The following ESR1 variants were observed in gnomAD, a reference collection of about 807,000 sequenced individuals.
The protein encoded by ESR1 is estrogen receptor 1, also known as estrogen receptor.
A neutral mutation model predicts 52.7 loss-of-function variants in ESR1; 12 were observed. The ratio of observed to expected loss-of-function variants is 0.23; its 90% CI spans 0.15 to 0.37. ESR1 has a LOEUF of 0.37. ESR1 is among the 10% of genes least tolerant of loss of function. ESR1 has a pLI of 1.00. For synonymous variants in ESR1, 305 were observed against 316.8 expected, an observed-to-expected ratio of 0.96 and a Z score of 0.39; for missense variants, 584 against 779.7, an observed-to-expected ratio of 0.75 and a Z score of 2.99.
exon 7 of ESR1, chr6:152,127,882 T>C (rs1038369421): frequency 1.4e-4 from 21 of 152,230 alleles, no homozygotes. Context: ...AATACATTTT[T>C]AAATGAGGGC....
chr6:152,081,295 C>A (rs1410348491), intron 6 of ESR1, among the ~76,000 whole-genome samples: 6 of 152,136 alleles, frequency 3.9e-5, no homozygotes, highest in African/African-American at 1.4e-4. Flanking sequence ...ACAGTGCAAT[C>A]AAATTAGAAC....
chr6:151,888,769 A>G (rs532073811), intron 3 of ESR1, among the ~76,000 whole-genome samples: 37 of 152,288 alleles, frequency 2.4e-4, no homozygotes, highest in African/African-American at 8.7e-4. Flanking sequence ...AAGACTTTTC[A>G]AATTTTCACC....
intron 4 of ESR1, among the ~76,000 whole-genome samples, chr6:151,990,613 C>T (rs1472299772): frequency 6.6e-6 from 1 of 151,502 alleles, no homozygotes; most frequent in African/African-American, 2.4e-5. Flanking sequence ...CATGGTGGCC[C>T]ATAGCTGCAG....
At chr6:152,116,278 C>T (rs1465417902) in intron 6 of ESR1, among the ~76,000 whole-genome samples, 1 of 152,162 alleles carries the variant, frequency 6.6e-6, no homozygotes, top group Non-Finnish European at 1.5e-5. Context: ...CATGCATATA[C>T]ACGCAAGAGT....
At chr6:151,961,908 C>T (rs960322491) in intron 4 of ESR1, among the ~76,000 whole-genome samples, 4 of 152,056 alleles carry the variant, frequency 2.6e-5, no homozygotes, top group Non-Finnish European at 5.9e-5. Flanking sequence ...TCAGCATGGG[C>T]GGCTGGCAGA....
chr6:151,998,279 A>G (rs1310226944), intron 4 of ESR1, among the ~76,000 whole-genome samples: 4 of 152,148 alleles, frequency 2.6e-5, no homozygotes, highest in Non-Finnish European at 5.9e-5. Flanking sequence ...TAATTGTGCA[A>G]TTTACACATA....
chr6:151,791,412 C>T (rs1486465233), intron 2 of ESR1, among the ~76,000 whole-genome samples: 1 of 152,174 alleles, frequency 6.6e-6, no homozygotes, highest in Non-Finnish European at 1.5e-5. Context: ...CTTTGCTCTT[C>T]CTTTGTCTTC....
At chr6:151,669,248 G>T (rs527963075) in intron 1 of ESR1, among the ~76,000 whole-genome samples, 1 of 147,708 alleles carries the variant, frequency 6.8e-6, no homozygotes, top group African/African-American at 2.5e-5. Context: ...GCCCAGGCTG[G>T]GGTTGCTGGT....
At position 151,923,388 on chromosome 6, in the gene ESR1, A is replaced by G. The variant is rs553597600; in HGVS notation, c.761-20785A>G. On this transcript the variant is annotated intron_variant, in intron 3 of 7. Coordinates refer to ENST00000206249, the MANE Select transcript of ESR1 (RefSeq NM_000125.4). ...GTATTTAATGTATTGTATCACCATTATAGTAATATAGTTCCTATGGAATAG... is the reference window on the plus strand; with the variant it reads ...GTATTTAATGTATTGTATCACCATTGTAGTAATATAGTTCCTATGGAATAG... Among the ~76,000 whole-genome samples, 9 of 152,320 alleles carry G rather than the reference A, an allele frequency of 5.9e-5. 1 individual carries two copies. Among genetic ancestry groups the G allele is most frequent in the Admixed American group, 3.9e-4 (6 of 15,286 alleles).
chr6:152,030,543 G>A (rs1346719588), intron 5 of ESR1, among the ~76,000 whole-genome samples: 1 of 152,108 alleles, frequency 6.6e-6, no homozygotes, highest in African/African-American at 2.4e-5. Flanking sequence ...GACAAAGAAG[G>A]CCATTACATA....
At chr6:151,906,555 A>G (rs570783077) in intron 3 of ESR1, among the ~76,000 whole-genome samples, 1 of 151,802 alleles carries the variant, frequency 6.6e-6, no homozygotes, top group East Asian at 1.9e-4. Context: ...CAACAGCCTG[A>G]ATTTTTATTT....
chr6:151,914,277 C>G (rs1197119032), intron 3 of ESR1, among the ~76,000 whole-genome samples: 1 of 151,098 alleles, frequency 6.6e-6, no homozygotes, highest in East Asian at 1.9e-4. Context: ...AGGCTTCGGT[C>G]TTATTTTGAC....
intron 5 of ESR1, among the ~76,000 whole-genome samples, chr6:152,058,765 G>C (rs545381294): frequency 1.3e-5 from 2 of 152,132 alleles, no homozygotes; most frequent in African/African-American, 4.8e-5. Flanking sequence ...ATAAGAACTA[G>C]TATGTAATAG....
At chr6:152,007,762 C>G (rs955646437) in intron 4 of ESR1, among the ~76,000 whole-genome samples, 1 of 152,046 alleles carries the variant, frequency 6.6e-6, no homozygotes, top group South Asian at 2.1e-4. Context: ...CAAGTGATGG[C>G]GGGATGAATC....
At chr6:151,873,998 A>G (rs1178300042) in intron 2 of ESR1, among the ~76,000 whole-genome samples, 3 of 152,194 alleles carry the variant, frequency 2.0e-5, no homozygotes, top group Non-Finnish European at 4.4e-5. Context: ...AAAATAAAAT[A>G]TTATTTTGTC....
At chr6:152,023,896 C>G (rs12524943) in intron 5 of ESR1, among the ~76,000 whole-genome samples, 8,315 of 152,132 alleles carry the variant, frequency 0.055, 294 homozygotes, top group South Asian at 0.1. Flanking sequence ...AATACGACTC[C>G]CTTACATTTT....
At position 151,918,100 on chromosome 6, in the gene ESR1, A is replaced by T. The variant is rs185215056; in HGVS notation, c.761-26073A>T. ...TGGGCTGTTGTAAACTTGTGGGCAG[A>T]TACCCAGTGATGGGGCAGACATGAG... On this transcript the variant is annotated intron_variant, in intron 3 of 7. Transcript: ENST00000206249. Among the ~76,000 whole-genome samples, 1,039 of 152,310 alleles carry T rather than the reference A, an allele frequency of 6.8e-3. 19 individuals carry two copies. Among genetic ancestry groups the T allele is most frequent in the African/African-American group, 0.02 (828 of 41,564 alleles).
chr6:151,729,422 C>T (rs914515655), intron 2 of ESR1, among the ~76,000 whole-genome samples: 2 of 152,148 alleles, frequency 1.3e-5, no homozygotes, highest in Admixed American at 1.3e-4. Flanking sequence ...ATTGTGAGTT[C>T]TATTCACCAT....
At chr6:151,871,260 A>G (rs1790909948) in intron 2 of ESR1, among the ~76,000 whole-genome samples, 1 of 152,192 alleles carries the variant, frequency 6.6e-6, no homozygotes, top group Admixed American at 6.5e-5. Context: ...AAATAAAAAT[A>G]AAATTGTGAT....
Sources: gnomAD v4.1 joint callset for allele counts (sites outside exome capture counted in the v4.1 genomes callset) on GRCh38, gnomAD v4.1.1 for gene constraint, MANE v1.5 for transcripts, NCBI Gene and HGNC (gene_info 2026-07-23, HGNC 2026-07-21) for gene names.